ASIC2: variants seen among roughly 807,000 people sequenced by gnomAD.
ASIC2 encodes acid-sensing ion channel 2.
Under a neutral mutation model 57.3 loss-of-function variants are expected in ASIC2, and 25 were observed. That is an observed-to-expected ratio of 0.44 (90% CI 0.32 to 0.61). The LOEUF is 0.61. ASIC2 is among the 20% of genes least tolerant of loss of function. ASIC2 has a pLI of 0.06. For missense variants in ASIC2, 641 were observed against 738.1 expected, an observed-to-expected ratio of 0.87 and a Z score of 1.52; for synonymous variants, 319 against 307.5, an observed-to-expected ratio of 1.04 and a Z score of -0.39.
At chr17:34,087,854 C>G (rs1364568577) in intron 1 of ASIC2, among the ~76,000 whole-genome samples, 1 of 152,212 alleles carries the variant, frequency 6.6e-6, no homozygotes, top group Non-Finnish European at 1.5e-5. Context: ...CTTCTGCATT[C>G]TTCACATAGT....
At chr17:34,002,537 C>G (rs1906379351) in intron 1 of ASIC2, 1 of 152,230 alleles carries the variant, frequency 6.6e-6, no homozygotes, top group African/African-American at 2.4e-5. Context: ...TTCAGAACCA[C>G]TAGCACCAGC....
intron 1 of ASIC2, among the ~76,000 whole-genome samples, chr17:33,952,278 G>A (rs1176704373): frequency 6.6e-6 from 1 of 152,182 alleles, no homozygotes; most frequent in East Asian, 1.9e-4. Flanking sequence ...GTGGGGAAGA[G>A]ATAGAAGGAA....
chr17:33,988,573 G>A (rs905276867), intron 1 of ASIC2, among the ~76,000 whole-genome samples: 1 of 151,952 alleles, frequency 6.6e-6, no homozygotes, highest in South Asian at 2.1e-4. Flanking sequence ...CTAATACATC[G>A]ACCCTTAGCA....
chr17:33,795,886 C>T (rs1424276580), intron 1 of ASIC2, among the ~76,000 whole-genome samples: 1 of 152,206 alleles, frequency 6.6e-6, no homozygotes, highest in Non-Finnish European at 1.5e-5. Context: ...ACCAACTCTT[C>T]CCCTTGAAGT....
chr17:33,579,335 G>T (rs1376209976), intron 1 of ASIC2, among the ~76,000 whole-genome samples: 1 of 150,348 alleles, frequency 6.7e-6, no homozygotes, highest in Non-Finnish European at 1.5e-5. Context: ...GTTGGCTCAG[G>T]GCACACTGGA....
intron 1 of ASIC2, among the ~76,000 whole-genome samples, chr17:34,083,179 C>G (rs1375655471): frequency 3.2e-5 from 4 of 124,304 alleles, no homozygotes; most frequent in African/African-American, 9.0e-5. Flanking sequence ...CCCCTCCCCC[C>G]ACCCCACAAC....
chr17:33,375,808 G>A (rs1284761301), intron 1 of ASIC2, among the ~76,000 whole-genome samples: 2 of 152,236 alleles, frequency 1.3e-5, no homozygotes, highest in African/African-American at 4.8e-5. Flanking sequence ...AGGAGCCAAA[G>A]ATGAATTCCA....
intron 1 of ASIC2, among the ~76,000 whole-genome samples, chr17:33,448,165 C>T (rs1231304913): frequency 1.3e-5 from 2 of 152,112 alleles, no homozygotes; most frequent in African/African-American, 4.8e-5. Context: ...CTCTTGCCTC[C>T]TACGTCTCTT....
At chr17:34,098,415 C>T (rs1418527691) in intron 1 of ASIC2, among the ~76,000 whole-genome samples, 2 of 152,120 alleles carry the variant, frequency 1.3e-5, no homozygotes, top group Non-Finnish European at 2.9e-5. Flanking sequence ...AAGTGCACAT[C>T]TTAGAATCAG....
intron 1 of ASIC2, among the ~76,000 whole-genome samples, chr17:33,423,472 C>G (rs1911112283): frequency 6.6e-6 from 1 of 152,174 alleles, no homozygotes; most frequent in Non-Finnish European, 1.5e-5. Flanking sequence ...AGTAATAACA[C>G]TGATGGTGAT....
At chr17:34,155,844 C>T (rs369131599) in intron 1 of ASIC2, 27 of 997,370 alleles carry the variant, frequency 2.7e-5, no homozygotes, top group African/African-American at 2.3e-4. Context: ...ACCAACTACC[C>T]TCGTGGCCTT....
chr17:33,720,831 C>T (rs999017783), intron 1 of ASIC2, among the ~76,000 whole-genome samples: 1 of 152,114 alleles, frequency 6.6e-6, no homozygotes. Flanking sequence ...TTGCTTGGAT[C>T]GTTGTCTGTA....
intron 1 of ASIC2, among the ~76,000 whole-genome samples, chr17:33,788,744 C>T (rs1363158255): frequency 6.6e-6 from 1 of 152,140 alleles, no homozygotes; most frequent in African/African-American, 2.4e-5. Flanking sequence ...AGATCATGTC[C>T]TTTGCAGGGA....
At chr17:33,383,695 T>C (rs1051627705) in intron 1 of ASIC2, among the ~76,000 whole-genome samples, 1 of 152,244 alleles carries the variant, frequency 6.6e-6, no homozygotes, top group Non-Finnish European at 1.5e-5. Context: ...AAATTCAATG[T>C]TTCTTTCAAT....
At chr17:34,018,443 C>T (rs1907043174) in intron 1 of ASIC2, among the ~76,000 whole-genome samples, 1 of 152,114 alleles carries the variant, frequency 6.6e-6, no homozygotes, top group Admixed American at 6.5e-5. Context: ...CATTCTGCAG[C>T]CCATGAATCA....
At chr17:33,425,064 T>C (rs757902366) in intron 1 of ASIC2, among the ~76,000 whole-genome samples, 9 of 152,250 alleles carry the variant, frequency 5.9e-5, no homozygotes, top group Non-Finnish European at 1.2e-4. Context: ...CCAACACTCC[T>C]AGGAGAAAAT....
At chr17:33,637,786 G>A (rs1906418930) in intron 1 of ASIC2, among the ~76,000 whole-genome samples, 1 of 152,188 alleles carries the variant, frequency 6.6e-6, no homozygotes, top group Non-Finnish European at 1.5e-5. Flanking sequence ...TGAGCCCGTG[G>A]TATTACAGTA....
At chr17:33,255,241 T>C (rs769040246) in intron 1 of ASIC2, among the ~76,000 whole-genome samples, 29 of 152,104 alleles carry the variant, frequency 1.9e-4, no homozygotes, top group Non-Finnish European at 2.2e-4. Context: ...GGTTTCACCA[T>C]GTTGGCCAGG....
At chr17:33,546,404 T>C (rs1915580243) in intron 1 of ASIC2, among the ~76,000 whole-genome samples, 1 of 152,126 alleles carries the variant, frequency 6.6e-6, no homozygotes. Context: ...CATAGGCCTA[T>C]TTCAACAATT....
Sources: gnomAD v4.1 joint callset for allele counts (sites outside exome capture counted in the v4.1 genomes callset) on GRCh38, gnomAD v4.1.1 for gene constraint, MANE v1.5 for transcripts, NCBI Gene and HGNC (gene_info 2026-07-23, HGNC 2026-07-21) for gene names.